MON2: variants seen among roughly 807,000 people sequenced by gnomAD.
MON2 encodes protein MON2 homolog.
Under a neutral mutation model 208.6 loss-of-function variants are expected in MON2, and 84 were observed. The observed-to-expected ratio is 0.40, with a 90% CI of 0.34 to 0.48. The LOEUF is 0.48. Among genes scored for constraint, MON2 ranks in the 20% least tolerant of loss-of-function variants. The pLI, the probability that MON2 is intolerant of heterozygous loss-of-function variation, is 0.59. For missense variants in MON2, 1,611 were observed against 2,015.4 expected (o/e 0.80, Z 3.84); for synonymous variants, 660 against 694.0 (o/e 0.95, Z 0.77).
rs1361113155 is a variant in MON2, at chr12:62,556,186, C to A, written c.3403C>A (p.Pro1135Thr). Residue 1135 changes from proline to threonine, a missense_variant, in exon 25 of 35, where the codon CCT (proline) becomes ACT (threonine). Physicochemically the swap from Pro to Thr is conservative, Grantham distance 38 (BLOSUM62 -1). Coordinates refer to ENST00000393630, the MANE Select transcript of MON2 (RefSeq NM_015026.3). Reference protein sequence around the residue: ...IFNTRRYLLQPLGDFSRAWDV... With the variant: ...IFNTRRYLLQTLGDFSRAWDV... ...CAACACTAGAAGATATTTGCTGCAG[C>A]CTTTAGGTATACGTACATTTTTTTC... 1 of 1,613,284 alleles carries A rather than the reference C, an allele frequency of 6.2e-7. No individual in the cohort carries two copies. The highest frequency in any genetic ancestry group is 8.5e-7 in the Non-Finnish European group (1 of 1,179,796).
intron 21 of MON2, among the ~76,000 whole-genome samples, chr12:62,546,185 TA>T (rs923377472): frequency 6.6e-5 from 10 of 152,152 alleles, no homozygotes; most frequent in African/African-American, 2.4e-4. Flanking sequence ...ATTTTACATT[TA>T]AATACATATG....
At chr12:62,560,349 A>ACC in intron 25 of MON2, 142 bp from the exon 26 acceptor site, 1 of 784,228 alleles carries the variant, frequency 1.3e-6, no homozygotes, top group Non-Finnish European at 2.0e-6. Flanking sequence ...CATTGTTAGT[A>ACC]CCTTAGTACC....
chr12:62,471,713 A>G (rs1376337148), intron 1 of MON2, among the ~76,000 whole-genome samples: 1 of 152,256 alleles, frequency 6.6e-6, no homozygotes, highest in Non-Finnish European at 1.5e-5. Context: ...AACAACATTA[A>G]AGAAAAAGGC....
intron 7 of MON2, among the ~76,000 whole-genome samples, chr12:62,503,957 G>GAC (rs58700823): frequency 0.14 from 20,629 of 151,154 alleles, 1,493 homozygotes; most frequent in Middle Eastern, 0.25. Flanking sequence ...CCTCCTGCCT[G>GAC]ACACACACAC....
At chr12:62,490,462 C>T (rs1356503410) in intron 2 of MON2, among the ~76,000 whole-genome samples, 3 of 151,722 alleles carry the variant, frequency 2.0e-5, no homozygotes, top group South Asian at 2.1e-4. Context: ...AAGGTATTTA[C>T]GTAAAGCTAT....
At chr12:62,585,622 A>G (rs1292459394) in intron 33 of MON2, 121 bp downstream of exon 33, 3 of 729,828 alleles carry the variant, frequency 4.1e-6, no homozygotes, top group Non-Finnish European at 6.6e-6. Context: ...GTTGTTTATA[A>G]TCTTATTTAT....
intron 10 of MON2, 83 bp from the exon 11 acceptor site, chr12:62,525,866 A>T: frequency 7.5e-7 from 1 of 1,325,154 alleles, no homozygotes; most frequent in Non-Finnish European, 1.0e-6. Flanking sequence ...TTTTTTAAAG[A>T]TTGGCCAGGT....
rs1409082274 is a variant in MON2 at position 62,588,928 on chromosome 12, T to C, written c.4990+772T>C. Reference sequence around the variant, plus strand: ...TTAATCTCTTAAAGGTAAATAATTTTTCTTTTCATTGAATGCAAAGCTTTT... The same window carrying C: ...TTAATCTCTTAAAGGTAAATAATTTCTCTTTTCATTGAATGCAAAGCTTTT... On this transcript the variant is annotated intron_variant, in intron 34 of 34. Transcript: ENST00000393630. 3.5e-6 allele frequency: 5 copies of C among 1,409,918 alleles called. No individual in the cohort carries two copies. The South Asian group carries it at 5.4e-5, about 15-fold the overall frequency. The allele number at this position is 1,409,918 out of a possible 1,614,324, so 87.3% of individuals were successfully genotyped here.
At chr12:62,533,517 A>G (rs1303526896) in intron 12 of MON2, among the ~76,000 whole-genome samples, 2 of 152,226 alleles carry the variant, frequency 1.3e-5, no homozygotes, top group Admixed American at 1.3e-4. Context: ...TGTTCCCAAC[A>G]TGGCCAATGG....
chr12:62,565,637 A>G (rs901739106), intron 27 of MON2, among the ~76,000 whole-genome samples: 19 of 152,152 alleles, frequency 1.2e-4, no homozygotes, highest in Non-Finnish European at 2.4e-4. Context: ...ATTACTCTCC[A>G]GTACATCTTT....
chr12:62,595,003 G>T lies in MON2; in HGVS notation c.*2254G>T, dbSNP rs773235503. 1 of 152,198 alleles carries T rather than the reference G, an allele frequency of 6.6e-6. No individual in the cohort carries two copies. The highest frequency in any genetic ancestry group is 6.5e-5 in the Admixed American group (1 of 15,280). 9.4% of individuals were successfully genotyped at this position (152,198 alleles called of 1,614,324 possible). A position where few individuals can be genotyped will look rare whatever the true frequency, so the allele number is the denominator to read the frequency against. Reference sequence around the variant, plus strand: ...CCAGTGACTAGAAGAACTGGGGTGTGTGAAAGTATTCGATGCCAGGAGATT... The same window carrying T: ...CCAGTGACTAGAAGAACTGGGGTGTTTGAAAGTATTCGATGCCAGGAGATT... On this transcript the variant is annotated 3_prime_UTR_variant, in exon 35 of 35. Coordinates refer to ENST00000393630, the MANE Select transcript of MON2 (RefSeq NM_015026.3).
intron 34 of MON2, among the ~76,000 whole-genome samples, chr12:62,589,542 A>G (rs1362472728): frequency 6.6e-6 from 1 of 152,172 alleles, no homozygotes; most frequent in Non-Finnish European, 1.5e-5. Context: ...AAAGGGATGG[A>G]TGGAATTTCT....
intron 23 of MON2, 92 bp from the exon 24 acceptor site, chr12:62,552,789 T>G: frequency 1.1e-6 from 1 of 926,508 alleles, no homozygotes; most frequent in Non-Finnish European, 1.6e-6. Flanking sequence ...TTTAAAGTTT[T>G]ACTCTGAAAG....
chr12:62,470,797 A>G, intron 1 of MON2: 1 of 993,836 alleles, frequency 1.0e-6, no homozygotes, highest in Non-Finnish European at 1.2e-6. Flanking sequence ...TCCATGTAAA[A>G]TAAATTTTAT....
At position 62,585,331 on chromosome 12, in the gene MON2, T is replaced by G; in HGVS notation, c.4737T>G (p.Ser1579=). 6.2e-7 allele frequency: 1 copy of G among 1,613,766 alleles called. No homozygotes were observed. Among genetic ancestry groups the G allele is most frequent in the South Asian group, 1.1e-5 (1 of 91,062 alleles). ...ATATTCGTTTGAGAGAGGAATTTTC[T>G]AAAATGTGTTTTGAAACATTACTCC... ...EIDIRLREEF[S]KMCFETLLQF... is the part of the protein sequence containing the mutation. Residue 1579 remains serine, a synonymous_variant, in exon 33 of 35, where the codon TCT becomes TCG. Coordinates refer to ENST00000393630, the MANE Select transcript of MON2 (RefSeq NM_015026.3).
intron 11 of MON2, among the ~76,000 whole-genome samples, chr12:62,528,707 C>T (rs1293302250): frequency 6.6e-6 from 1 of 152,152 alleles, no homozygotes; most frequent in Non-Finnish European, 1.5e-5. Flanking sequence ...CCCAATAGAT[C>T]ACATATTCTT....
At position 62,547,210 on chromosome 12, in the gene MON2, G is replaced by C. The variant is rs181147407; in HGVS notation, c.2753+138G>C. 1.3e-5 allele frequency: 7 copies of C among 539,532 alleles called. No homozygotes were observed. In the East Asian group the frequency reaches 2.6e-4, roughly 20 times the overall value. The allele number at this position is 539,532 out of a possible 1,614,324, so 33.4% of individuals were successfully genotyped here. A position where few individuals can be genotyped will look rare whatever the true frequency, so the allele number is the denominator to read the frequency against. Reference sequence around the variant, plus strand: ...TTGAAATAGTGGTTATTTTTTTCATGTATGCGCTTCCTGCTTAAGGCTAAG... The same window carrying C: ...TTGAAATAGTGGTTATTTTTTTCATCTATGCGCTTCCTGCTTAAGGCTAAG... On this transcript the variant is annotated intron_variant, in intron 22 of 34. Transcript: ENST00000393630.
At chr12:62,509,710 A>G (rs960795558) in intron 8 of MON2, among the ~76,000 whole-genome samples, 3 of 152,226 alleles carry the variant, frequency 2.0e-5, no homozygotes, top group African/African-American at 7.2e-5. Flanking sequence ...TGTGACCAAA[A>G]TGGAATCCAG....
intron 2 of MON2, among the ~76,000 whole-genome samples, chr12:62,488,272 C>T (rs2069911073): frequency 6.6e-6 from 1 of 152,002 alleles, no homozygotes; most frequent in Non-Finnish European, 1.5e-5. Context: ...GTTATGGGGA[C>T]ATAAGGAAGG....
Sources: gnomAD v4.1 joint callset for allele counts (sites outside exome capture counted in the v4.1 genomes callset) on GRCh38, gnomAD v4.1.1 for gene constraint, MANE v1.5 for transcripts, NCBI Gene and HGNC (gene_info 2026-07-23, HGNC 2026-07-21) for gene names.